Variants in ST6GALNAC5 observed in about 807,000 individuals in gnomAD.
ST6GALNAC5 encodes the protein ST6 N-acetylgalactosaminide alpha-2,6-sialyltransferase 5.
A neutral mutation model predicts 33.6 loss-of-function variants in ST6GALNAC5; 27 were observed. That is an observed-to-expected ratio of 0.80 (90% CI 0.59 to 1.11). The LOEUF (loss-of-function observed/expected upper bound fraction) is 1.11, where lower values mean the gene tolerates loss of function less well. Ranked by LOEUF, ST6GALNAC5 falls within the 50% of genes least tolerant of loss-of-function variation. The probability of loss-of-function intolerance (pLI) is 0.00; values close to 1 mark genes in which losing one functional copy is unlikely to be tolerated. For missense variants in ST6GALNAC5, 428 were observed against 454.0 expected, an observed-to-expected ratio of 0.94 and a Z score of 0.52; for synonymous variants, 194 against 171.2, an observed-to-expected ratio of 1.13 and a Z score of -1.04.
intron 4 of ST6GALNAC5, among the ~76,000 whole-genome samples, chr1:77,060,652 A>T (rs1652545044): frequency 6.6e-6 from 1 of 152,138 alleles, no homozygotes; most frequent in Non-Finnish European, 1.5e-5. Flanking sequence ...CAAATATGTA[A>T]ATTTAATTCT....
intron 2 of ST6GALNAC5, among the ~76,000 whole-genome samples, chr1:77,039,000 G>A (rs568645305): frequency 2.8e-4 from 42 of 152,250 alleles, no homozygotes; most frequent in African/African-American, 1.0e-3. Flanking sequence ...CTGGGATGAT[G>A]GCAAATACTT....
intron 2 of ST6GALNAC5, among the ~76,000 whole-genome samples, chr1:77,040,778 G>A (rs146058955): frequency 4.6e-5 from 7 of 152,156 alleles, no homozygotes; most frequent in African/African-American, 1.4e-4. Context: ...CTAGGTGAGC[G>A]TGATGAGAAA....
At chr1:76,929,978 C>T (rs1647123864) in intron 2 of ST6GALNAC5, among the ~76,000 whole-genome samples, 2 of 151,970 alleles carry the variant, frequency 1.3e-5, no homozygotes, top group African/African-American at 4.8e-5. Flanking sequence ...ATTAATTACA[C>T]TTGGTTGTTT....
At chr1:76,887,974 A>G (rs1262499779) in intron 2 of ST6GALNAC5, among the ~76,000 whole-genome samples, 1 of 152,038 alleles carries the variant, frequency 6.6e-6, no homozygotes, top group Admixed American at 6.6e-5. Context: ...GCTCCTTCTT[A>G]GCTGCGGTAA....
At chr1:76,947,308 C>T (rs989730302) in intron 2 of ST6GALNAC5, among the ~76,000 whole-genome samples, 12 of 152,152 alleles carry the variant, frequency 7.9e-5, no homozygotes, top group African/African-American at 2.4e-4. Flanking sequence ...TTAGAAATGA[C>T]GGACTGTTCA....
chr1:76,915,513 A>T (rs1040756438), intron 2 of ST6GALNAC5, among the ~76,000 whole-genome samples: 5 of 152,238 alleles, frequency 3.3e-5, no homozygotes, highest in African/African-American at 1.2e-4. Context: ...CTACGCAGCC[A>T]TAAAAAATGA....
At chr1:76,996,963 A>G (rs1649962299) in intron 2 of ST6GALNAC5, among the ~76,000 whole-genome samples, 1 of 152,182 alleles carries the variant, frequency 6.6e-6, no homozygotes, top group South Asian at 2.1e-4. Flanking sequence ...GTTATATTTT[A>G]ACAAGAAGAG....
At chr1:76,889,873 A>G (rs1653976956) in intron 2 of ST6GALNAC5, among the ~76,000 whole-genome samples, 2 of 152,002 alleles carry the variant, frequency 1.3e-5, no homozygotes, top group African/African-American at 4.8e-5. Flanking sequence ...GGTCTTTGTC[A>G]TAGTATCTTC....
chr1:76,976,025 G>A (rs1648997188), intron 2 of ST6GALNAC5, among the ~76,000 whole-genome samples: 1 of 152,148 alleles, frequency 6.6e-6, no homozygotes, highest in South Asian at 2.1e-4. Flanking sequence ...AAACCCGGAG[G>A]TGGAGACTGC....
chr1:76,960,182 T>C (rs1276645294), intron 2 of ST6GALNAC5, among the ~76,000 whole-genome samples: 2 of 152,120 alleles, frequency 1.3e-5, no homozygotes, highest in African/African-American at 4.8e-5. Context: ...TCCCTAAGTG[T>C]CAGTCGGTCT....
chr1:77,032,558 A>G (rs1222492291), intron 2 of ST6GALNAC5, among the ~76,000 whole-genome samples: 1 of 152,148 alleles, frequency 6.6e-6, no homozygotes, highest in Non-Finnish European at 1.5e-5. Flanking sequence ...TATATCTGTA[A>G]CAATTGAGCC....
At chr1:77,004,867 G>A (rs372151660) in intron 2 of ST6GALNAC5, among the ~76,000 whole-genome samples, 13 of 136,208 alleles carry the variant, frequency 9.5e-5, no homozygotes, top group East Asian at 7.0e-4. Context: ...CTCCAGCTGC[G>A]TGCTGGGAGA....
In ST6GALNAC5 at chr1:77,014,047, C is replaced by T. The variant is rs540483380; in HGVS notation, c.262-30157C>T. The stretch of plus-strand genomic sequence containing the variant: ...CCATTTACTTAAACCCCAGCCTCAT[C>T]CATAAAAGCAAGAGAATTTTGCACT... On this transcript the variant is annotated intron_variant, in intron 2 of 4. Coordinates refer to ENST00000477717, the MANE Select transcript of ST6GALNAC5 (RefSeq NM_030965.3). Among the ~76,000 whole-genome samples the T allele has an allele frequency of 7.3e-4, 111 of 152,228 alleles. 3 individuals are homozygous for T. The highest frequency in any genetic ancestry group is 2.6e-3 in the African/African-American group (110 of 41,530).
chr1:77,027,742 T>C (rs1651301124), intron 2 of ST6GALNAC5, among the ~76,000 whole-genome samples: 1 of 152,020 alleles, frequency 6.6e-6, no homozygotes, highest in Non-Finnish European at 1.5e-5. Flanking sequence ...TGAAGTTGAG[T>C]TCAGCTTTAG....
intron 2 of ST6GALNAC5, among the ~76,000 whole-genome samples, chr1:76,899,478 C>A (rs549001861): frequency 1.3e-5 from 2 of 152,128 alleles, no homozygotes; most frequent in East Asian, 1.9e-4. Context: ...GGCACAGAGA[C>A]AAGAGGTTGG....
intron 2 of ST6GALNAC5, among the ~76,000 whole-genome samples, chr1:76,968,696 C>T (rs1648608240): frequency 6.6e-6 from 1 of 152,148 alleles, no homozygotes; most frequent in Admixed American, 6.6e-5. Flanking sequence ...TACAATTTGG[C>T]ATGTTTTTGC....
At chr1:76,995,063 T>C (rs936199877) in intron 2 of ST6GALNAC5, among the ~76,000 whole-genome samples, 1 of 152,166 alleles carries the variant, frequency 6.6e-6, no homozygotes, top group Non-Finnish European at 1.5e-5. Context: ...GAGCAGCAGA[T>C]TAAGTAGTCA....
chr1:76,869,237 TC>T (rs1422382089), intron 2 of ST6GALNAC5, among the ~76,000 whole-genome samples: 2 of 152,152 alleles, frequency 1.3e-5, no homozygotes, highest in African/African-American at 4.8e-5. Context: ...GGCTGAATTC[TC>T]TCAGCCCTGG....
At chr1:76,906,079 C>G (rs1199250281) in intron 2 of ST6GALNAC5, among the ~76,000 whole-genome samples, 2 of 152,126 alleles carry the variant, frequency 1.3e-5, no homozygotes, top group Non-Finnish European at 1.5e-5. Context: ...CCATAATGAA[C>G]CCTCCCTTTT....
Sources: gnomAD v4.1 joint callset for allele counts (sites outside exome capture counted in the v4.1 genomes callset) on GRCh38, gnomAD v4.1.1 for gene constraint, MANE v1.5 for transcripts, NCBI Gene and HGNC (gene_info 2026-07-23, HGNC 2026-07-21) for gene names.